The following C1S variants were observed in gnomAD, a reference collection of about 807,000 sequenced individuals.
C1S encodes complement C1s, also known as complement C1s subcomponent.
Under a neutral mutation model 54.0 loss-of-function variants are expected in C1S, and 31 were observed. The observed-to-expected ratio is 0.57, with a 90% confidence interval of 0.43 to 0.78. The LOEUF is 0.78. Among genes scored for constraint, C1S ranks in the 30% least tolerant of loss-of-function variants. The pLI is 0.00. For missense variants in C1S, 727 were observed against 851.8 expected, an observed-to-expected ratio of 0.85 and a Z score of 1.82; for synonymous variants, 292 against 303.6, an observed-to-expected ratio of 0.96 and a Z score of 0.40.
chr12:7,067,836 A>G (rs782184299), intron 10 of C1S, 65 bp downstream of exon 10: 6 of 1,512,918 alleles, frequency 4.0e-6, no homozygotes, highest in Admixed American at 3.3e-5. Flanking sequence ...GGATAGCATA[A>G]TCTGTGCCAG....
Position 7,068,568 on chromosome 12 carries a change from T to C in C1S, c.1270+38T>C, listed in dbSNP as rs11838267. 185,044 of 1,400,246 alleles carry C rather than the reference T, an allele frequency of 0.13. 12,565 individuals carry two copies. Among genetic ancestry groups the C allele is most frequent in the Non-Finnish European group, 0.14 (136,629 of 985,628 alleles). 86.7% of individuals were successfully genotyped at this position (1,400,246 alleles called of 1,614,324 possible). The stretch of plus-strand genomic sequence containing the variant: ...GAGGCTTGGGGAGAGATGATAGCCA[T>C]GGGTGACTGGGAGTCACCTTCTGAA... On this transcript the variant is annotated intron_variant, in intron 11 of 11. Coordinates refer to ENST00000360817, the MANE Select transcript of C1S (RefSeq NM_001734.5).
Position 7,065,143 on chromosome 12 carries a change from T to A in C1S, c.561T>A (p.Ile187=), listed in dbSNP as rs143509101. ...GDVFTALIGE[I]ASPNYPKPYP... is the part of the protein sequence containing the mutation. ...TATTCACTGCACTGATTGGGGAGAT[T>A]GCAAGTCCCAATTATCCCAAACCAT... Residue 187 remains isoleucine, a synonymous_variant, in exon 6 of 12, where the codon ATT becomes ATA. Transcript: ENST00000360817. 2.5e-4 allele frequency: 410 copies of A among 1,614,094 alleles called. 1 individual carries two copies. The East Asian group carries it at 8.6e-3, about 34-fold the overall frequency.
chr12:7,069,725 A>G (rs1380055848), intron 11 of C1S, 130 bp from the exon 12 acceptor site: 1 of 853,656 alleles, frequency 1.2e-6, no homozygotes, highest in Non-Finnish European at 2.0e-6. Flanking sequence ...TTGTTGACCA[A>G]ATAGGGTTGA....
At chr12:7,067,559 G>A (rs1297119783) in intron 9 of C1S, 84 bp from the exon 10 acceptor site, 1 of 1,477,598 alleles carries the variant, frequency 6.8e-7, no homozygotes, top group East Asian at 2.3e-5. Flanking sequence ...GGGTGGGGAA[G>A]CAGTGAGGAT....
Position 7,062,638 on chromosome 12 carries a change from C to A in C1S, c.169C>A (p.Leu57Met). 6.2e-7 allele frequency: 1 copy of A among 1,614,162 alleles called. No homozygotes were observed. Among genetic ancestry groups the A allele is most frequent in the East Asian group, 2.2e-5 (1 of 44,886 alleles). ...TGGGATTCACCTCTACTTCACCCAT[C>A]TGGACATTGAGCTGTCAGAGAACTG... ...GYGIHLYFTH[L>M]DIELSENCAY... Residue 57 changes from leucine to methionine, a missense_variant, in exon 3 of 12, where the codon CTG becomes ATG. Physicochemically the swap from Leu to Met is conservative, Grantham distance 15. This residue lies in a region of C1S where 357 missense variants were observed against 365.4 expected (regional missense o/e 0.98). Transcript: ENST00000360817.
intron 6 of C1S, 74 bp downstream of exon 6, chr12:7,065,373 T>TC (rs782047999): frequency 1.9e-6 from 2 of 1,057,338 alleles, no homozygotes; most frequent in South Asian, 2.5e-5. Flanking sequence ...AATTTTTTTT[T>TC]CATACAGCAT....
At position 7,070,715 on chromosome 12, in the gene C1S, G is replaced by A. The variant is rs7183; in HGVS notation, c.*64G>A. 3.6e-5 allele frequency: 46 copies of A among 1,260,450 alleles called. No homozygotes were observed. The highest frequency in any genetic ancestry group is 2.2e-5 in the Non-Finnish European group (19 of 861,566). 78.1% of individuals were successfully genotyped at this position (1,260,450 alleles called of 1,614,324 possible). A position where few individuals can be genotyped will look rare whatever the true frequency, so the allele number is the denominator to read the frequency against. On this transcript the variant is annotated 3_prime_UTR_variant, in exon 12 of 12. Transcript: ENST00000360817. This position sits in a 1 kb window ranked among gnomAD's most constrained non-coding sequence, Gnocchi z 4.9. ...CAATGCATTACCTTCTGTTCCTTAT[G>A]ATATTCTCATTATTTCATCATGACT...
intron 7 of C1S, chr12:7,066,216 ATTG>A: frequency 1.6e-6 from 1 of 608,712 alleles, no homozygotes; most frequent in Non-Finnish European, 2.9e-6. Context: ...AAACAGATAG[ATTG>A]TTGTTCTGAT....
rs150394565 is a variant in C1S, at chr12:7,070,326, G to A, written c.1742G>A (p.Arg581His). 1.5e-4 allele frequency: 236 copies of A among 1,614,126 alleles called. 1 individual carries two copies. The highest frequency in any genetic ancestry group is 1.9e-4 in the Non-Finnish European group (221 of 1,180,052). ...ACAGAGAAGAGAGATCGTGCTGTTCGCCTCAAGGCGGCAAGGTTACCTGTA... is the reference window on the plus strand; with the variant it reads ...ACAGAGAAGAGAGATCGTGCTGTTCACCTCAAGGCGGCAAGGTTACCTGTA... ...GRTEKRDRAV[R>H]LKAARLPVAP... is the part of the protein sequence containing the mutation. Residue 581 changes from arginine to histidine, a missense_variant, in exon 12 of 12, where the codon CGC becomes CAC. Physicochemically the swap from Arg to His is conservative, Grantham distance 29 (BLOSUM62 0). This residue lies in a region of C1S where 360 missense variants were observed against 453.6 expected (regional missense o/e 0.79). Coordinates refer to ENST00000360817, the MANE Select transcript of C1S (RefSeq NM_001734.5). This position sits in a 1 kb window ranked among gnomAD's most constrained non-coding sequence, Gnocchi z 4.9.
intron 4 of C1S, chr12:7,063,899 C>T (rs923882161): frequency 1.9e-5 from 8 of 422,234 alleles, no homozygotes; most frequent in Middle Eastern, 6.2e-4. Context: ...AGTGGTGGTG[C>T]GTGCTTGTGT....
At position 7,062,418 on chromosome 12, in the gene C1S, T is replaced by G. The variant is rs1307196857; in HGVS notation, c.6-57T>G. 3.0e-6 allele frequency: 4 copies of G among 1,311,510 alleles called. No individual in the cohort carries two copies. In the African/African-American group the frequency reaches 5.8e-5, roughly 19 times the overall value. 81.2% of individuals were successfully genotyped at this position (1,311,510 alleles called of 1,614,324 possible). A position where few individuals can be genotyped will look rare whatever the true frequency, so the allele number is the denominator to read the frequency against. ...CTTCTGCCTCTGGCAAATAGCGCGT[T>G]CTGTCCTAGGCTACTGGTGCCTGGT... is the stretch of plus-strand genomic sequence containing the variant. On this transcript the variant is annotated intron_variant, in intron 2 of 11. Transcript: ENST00000360817.
Position 7,064,371 on chromosome 12 carries a change from G to C in C1S, c.496G>C (p.Asp166His). The C allele has an allele frequency of 6.2e-7, 1 of 1,614,070 alleles. No individual in the cohort carries two copies. The highest frequency in any genetic ancestry group is 2.2e-5 in the East Asian group (1 of 44,878). The part of the protein sequence containing the change: ...CSCPPEYFLH[D>H]DMKNCGVNCS... Reference sequence around the variant, plus strand: ...CTGCCCCCCGGAATATTTCCTCCATGATGACATGAAGAATTGCGGAGGTGA... The same window carrying C: ...CTGCCCCCCGGAATATTTCCTCCATCATGACATGAAGAATTGCGGAGGTGA... The change falls in exon 5 of 12, where the codon GAT becomes CAT. Residue 166 changes from aspartate (D) to histidine (H), a missense_variant. Physicochemically the swap from Asp to His is moderately conservative, Grantham distance 81 (BLOSUM62 -1). Coordinates refer to ENST00000360817, the MANE Select transcript of C1S (RefSeq NM_001734.5).
At chr12:7,064,498 A>G (rs1947144887) in intron 5 of C1S, 106 bp downstream of exon 5, 1 of 1,034,976 alleles carries the variant, frequency 9.7e-7, no homozygotes, top group African/African-American at 1.6e-5. Flanking sequence ...CCAAGCCTTC[A>G]TTTGGCACTT....
chr12:7,069,280 G>A (rs1565624013), intron 11 of C1S, among the ~76,000 whole-genome samples: 1 of 152,262 alleles, frequency 6.6e-6, no homozygotes, highest in East Asian at 1.9e-4. Context: ...ATAACTGAAT[G>A]GTAATGGCAC....
At chr12:7,062,107 T>TAAAA in intron 2 of C1S, 190 bp downstream of exon 2, 1 of 528,702 alleles carries the variant, frequency 1.9e-6, no homozygotes, top group Non-Finnish European at 3.4e-6. Context: ...CTGTCTCTAT[T>TAAAA]AAAAAAAAAA....
At chr12:7,068,675 G>T (rs782465433) in intron 11 of C1S, 145 bp downstream of exon 11, 2 of 671,828 alleles carry the variant, frequency 3.0e-6, no homozygotes, top group African/African-American at 1.7e-5. Context: ...TCACTGTGCC[G>T]TGGGCTGCCA....
chr12:7,065,014 T>C, intron 5 of C1S, 86 bp from the exon 6 acceptor site: 1 of 1,197,646 alleles, frequency 8.3e-7, no homozygotes, highest in Non-Finnish European at 1.2e-6. Flanking sequence ...GACTGTCAGT[T>C]TCTGAGAGAA....
At chr12:7,066,982 A>AT in intron 8 of C1S, 57 bp from the exon 9 acceptor site, 1 of 1,278,980 alleles carries the variant, frequency 7.8e-7, no homozygotes. Flanking sequence ...TCCAGTTTTG[A>AT]TTTTGGTTTC....
At position 7,067,786 on chromosome 12, in the gene C1S, C is replaced by T. The variant is rs782796722; in HGVS notation, c.1195+15C>T. 4.3e-6 allele frequency: 7 copies of T among 1,612,360 alleles called. No individual in the cohort carries two copies. Among genetic ancestry groups the T allele is most frequent in the Non-Finnish European group, 5.9e-6 (7 of 1,178,610 alleles). On this transcript the variant is annotated intron_variant, in intron 10 of 11. Coordinates refer to ENST00000360817, the MANE Select transcript of C1S (RefSeq NM_001734.5). The stretch of plus-strand genomic sequence containing the variant: ...TGGAGGAGGTGGTAGGTTTCTTCTA[C>T]TGGAGAAGAGAGAGAGAGAGTGAGA...
Sources: allele counts gnomAD v4.1 joint callset (sites outside exome capture counted in the v4.1 genomes callset), GRCh38; gene constraint gnomAD v4.1.1; regional missense constraint gnomAD v4.1.1; non-coding constraint Gnocchi (gnomAD v3.1); transcripts MANE v1.5; gene names NCBI Gene and HGNC (gene_info 2026-07-23, HGNC 2026-07-21).